CREB3L2: variants seen among roughly 807,000 people sequenced by gnomAD.
CREB3L2 encodes the protein cyclic AMP-responsive element-binding protein 3-like protein 2.
CREB3L2 carries 23 observed loss-of-function variants against 57.2 expected under a neutral mutation model. That is an observed-to-expected ratio of 0.40 (90% CI 0.29 to 0.57). CREB3L2 has a LOEUF of 0.57. CREB3L2 is among the 20% of genes least tolerant of loss of function. The pLI is 0.42. For missense variants in CREB3L2, 628 were observed against 634.7 expected, an observed-to-expected ratio of 0.99 and a Z score of 0.11; for synonymous variants, 268 against 265.1, an observed-to-expected ratio of 1.01 and a Z score of -0.11.
At chr7:137,955,354 G>A (rs1476181227) in intron 1 of CREB3L2, 3 of 1,277,694 alleles carry the variant, frequency 2.3e-6, no homozygotes, top group Non-Finnish European at 3.1e-6. Flanking sequence ...CCACAGGATG[G>A]GGGAGGGCGA....
chr7:137,887,976 A>T (rs941683849), intron 8 of CREB3L2, among the ~76,000 whole-genome samples: 1 of 152,084 alleles, frequency 6.6e-6, no homozygotes, highest in Non-Finnish European at 1.5e-5. Flanking sequence ...TCCTGGAGAT[A>T]AAGTCTTGCT....
intron 1 of CREB3L2, among the ~76,000 whole-genome samples, chr7:137,937,754 G>T (rs1315611261): frequency 6.6e-6 from 1 of 150,872 alleles, no homozygotes; most frequent in Non-Finnish European, 1.5e-5. Flanking sequence ...GTTTTGTTCT[G>T]AAGTGATATT....
intron 1 of CREB3L2, among the ~76,000 whole-genome samples, chr7:137,963,273 T>C (rs923828792): frequency 3.3e-5 from 5 of 152,356 alleles, no homozygotes; most frequent in African/African-American, 1.2e-4. Context: ...AGCAAGTCCC[T>C]GTTCCCACTT....
chr7:137,932,733 A>T (rs1240788982), intron 1 of CREB3L2, among the ~76,000 whole-genome samples: 1 of 152,228 alleles, frequency 6.6e-6, no homozygotes, highest in African/African-American at 2.4e-5. Flanking sequence ...CTACAAGTTC[A>T]AATATGCCCA....
At chr7:137,994,215 C>T (rs1801946767) in intron 1 of CREB3L2, among the ~76,000 whole-genome samples, 1 of 152,188 alleles carries the variant, frequency 6.6e-6, no homozygotes, top group South Asian at 2.1e-4. Flanking sequence ...AGGCTTAAGG[C>T]TATTTACCCC....
rs201981192 is a variant in CREB3L2, at chr7:137,915,880, G to T, written c.452C>A (p.Thr151Asn). 3.1e-4 allele frequency: 502 copies of T among 1,614,124 alleles called. No individual in the cohort carries two copies. The highest frequency in any genetic ancestry group is 3.7e-4 in the Non-Finnish European group (440 of 1,180,010). ...AGGAGGTTCCTCCTTTTCCAACGGG[G>T]TGGAGATGGCTGTGATGGTCAGAGT... is the stretch of plus-strand genomic sequence containing the variant. ...SVTLTITAIS[T>N]PLEKEEPPLE... is the part of the protein sequence containing the mutation. The change falls in exon 3 of 12, where the codon ACC becomes AAC. Residue 151 changes from threonine (T) to asparagine (N), a missense_variant. Physicochemically the swap from Thr to Asn is moderately conservative, Grantham distance 65. Coordinates refer to ENST00000330387, the MANE Select transcript of CREB3L2 (RefSeq NM_194071.4).
chr7:137,986,378 A>G (rs1365474306), intron 1 of CREB3L2, among the ~76,000 whole-genome samples: 1 of 152,200 alleles, frequency 6.6e-6, no homozygotes, highest in East Asian at 1.9e-4. Context: ...CCCCAGCTCC[A>G]TGGGACTGGG....
Position 137,885,049 on chromosome 7 carries a change from T to C in CREB3L2, c.1216A>G (p.Lys406Glu). Reference sequence around the variant, plus strand: ...GAATGCTGGCTGGGCAGAGCCATCTTGGTGGCAGAAGGATAGGGCCCGTAG... The same window carrying C: ...GAATGCTGGCTGGGCAGAGCCATCTCGGTGGCAGAAGGATAGGGCCCGTAG... ...QGYGPYPSAT[K>E]MALPSQHSLQ... Residue 406 changes from lysine (K) to glutamate (E), a missense_variant, in exon 10 of 12, where the codon AAG becomes GAG. Physicochemically the swap from Lys to Glu is moderately conservative, Grantham distance 56 (BLOSUM62 1). Around this residue, in one of 3 missense-constraint regions of CREB3L2, gnomAD observed 272 missense variants for 242.7 expected, o/e 1.12. Coordinates refer to ENST00000330387, the MANE Select transcript of CREB3L2 (RefSeq NM_194071.4). 1 of 1,614,116 alleles carries C rather than the reference T, an allele frequency of 6.2e-7. No individual in the cohort carries two copies.
chr7:137,953,152 T>C (rs947064108), intron 1 of CREB3L2, among the ~76,000 whole-genome samples: 1 of 152,234 alleles, frequency 6.6e-6, no homozygotes, highest in Non-Finnish European at 1.5e-5. Context: ...GTAAGACCTT[T>C]TAATGTAAAC....
At chr7:137,971,449 CAAAA>C (rs34602691) in intron 1 of CREB3L2, among the ~76,000 whole-genome samples, 1 of 136,026 alleles carries the variant, frequency 7.4e-6, no homozygotes, top group African/African-American at 2.8e-5. Context: ...GACTCCGTCT[CAAAA>C]AAAAAAAAAA....
chr7:137,947,558 C>A (rs937072318), intron 1 of CREB3L2, among the ~76,000 whole-genome samples: 4 of 152,142 alleles, frequency 2.6e-5, no homozygotes, highest in African/African-American at 9.7e-5. Context: ...CATTTGCCCC[C>A]CTTGGCTCAC....
chr7:137,962,252 GTA>G (rs1801335703), intron 1 of CREB3L2, among the ~76,000 whole-genome samples: 2 of 152,046 alleles, frequency 1.3e-5, no homozygotes, highest in African/African-American at 4.8e-5. Context: ...CTGTCTCTTG[GTA>G]CCTTTCACTA....
At chr7:137,896,450 C>T (rs542862438) in intron 8 of CREB3L2, among the ~76,000 whole-genome samples, 17 of 152,188 alleles carry the variant, frequency 1.1e-4, no homozygotes, top group East Asian at 1.9e-4. Flanking sequence ...TACAGGCACA[C>T]GCCACCACGC....
At chr7:138,000,147 GGAT>G (rs1314109496) in intron 1 of CREB3L2, among the ~76,000 whole-genome samples, 7 of 152,190 alleles carry the variant, frequency 4.6e-5, no homozygotes, top group African/African-American at 1.7e-4. Flanking sequence ...TGCAGCTGCT[GGAT>G]GAGACACTGT....
In CREB3L2 at chr7:137,899,111, A is replaced by AGGAAGGAAGGAAGGAAGGAAGGAG. The variant is rs1563244007; in HGVS notation, c.1043+2242_1043+2243insCTCCTTCCTTCCTTCCTTCCTTCC. ...AAAAGGAAAGAGAAGGAAGGAAGGA[A>AGGAAGGAAGGAAGGAAGGAAGGAG]GGAAGGAAGGAAGGAAGGAAGGAAG... is the stretch of plus-strand genomic sequence containing the variant. On this transcript the variant is annotated intron_variant, in intron 8 of 11. Transcript: ENST00000330387. 1.6e-3 allele frequency among the ~76,000 whole-genome samples: 97 copies of AGGAAGGAAGGAAGGAAGGAAGGAG among 58,836 alleles called. 1 individual carries two copies. The highest frequency in any genetic ancestry group is 4.9e-3 in the African/African-American group (91 of 18,596). 38.6% of individuals were successfully genotyped at this position (58,836 alleles called of 152,430 possible). A position where few individuals can be genotyped will look rare whatever the true frequency, so the allele number is the denominator to read the frequency against.
intron 7 of CREB3L2, 142 bp downstream of exon 7, chr7:137,903,817 C>A (rs1329963069): frequency 2.9e-6 from 2 of 690,570 alleles, no homozygotes; most frequent in East Asian, 5.0e-5. Context: ...CACTAGGTGG[C>A]AGGCAAACCA....
intron 1 of CREB3L2, among the ~76,000 whole-genome samples, chr7:137,972,269 T>C (rs1801520176): frequency 6.6e-6 from 1 of 151,858 alleles, no homozygotes; most frequent in Admixed American, 6.6e-5. Context: ...TGAAACCCCG[T>C]CTCTACTAAA....
chr7:137,905,759 G>A lies in CREB3L2; in HGVS notation c.858C>T (p.Pro286=), dbSNP rs1460817257. 1.9e-6 allele frequency: 3 copies of A among 1,613,970 alleles called. No homozygotes were observed. The highest frequency in any genetic ancestry group is 2.7e-5 in the African/African-American group (2 of 74,890). Reference sequence around the variant, plus strand: ...GGGCCTTCTCCTCTGATTTTGACAGGGGCAATTTGGTGGGGATGGGATAGC... The same window carrying A: ...GGGCCTTCTCCTCTGATTTTGACAGAGGCAATTTGGTGGGGATGGGATAGC... ...AEGYPIPTKL[P]LSKSEEKALK... The change falls in exon 6 of 12, where the codon CCC becomes CCT. Residue 286 remains proline (P), a synonymous_variant. Coordinates refer to ENST00000330387, the MANE Select transcript of CREB3L2 (RefSeq NM_194071.4).
chr7:137,905,877 CAAAGAA>C (rs1799882063), intron 5 of CREB3L2, 29 bp from the exon 6 acceptor site: 3 of 1,562,836 alleles, frequency 1.9e-6, no homozygotes, highest in Middle Eastern at 2.0e-4. Context: ...AGAAAAGGGT[CAAAGAA>C]AAAGAACTGG....
Sources: gnomAD v4.1 joint callset for allele counts (sites outside exome capture counted in the v4.1 genomes callset) on GRCh38, gnomAD v4.1.1 for gene constraint, gnomAD v4.1.1 regional missense constraint, MANE v1.5 for transcripts, NCBI Gene and HGNC (gene_info 2026-07-23, HGNC 2026-07-21) for gene names.